MAEL: variants seen among roughly 807,000 people sequenced by gnomAD.
MAEL encodes the protein protein maelstrom homolog.
MAEL carries 46 observed loss-of-function variants against 62.0 expected under a neutral mutation model. The observed-to-expected ratio is 0.74, with a 90% CI of 0.59 to 0.95. MAEL has a LOEUF of 0.95. MAEL is among the 40% of genes least tolerant of loss of function. The pLI, the probability that MAEL is intolerant of heterozygous loss-of-function variation, is 0.00. For missense variants in MAEL, 497 were observed against 526.8 expected (o/e 0.94, Z 0.55); for synonymous variants, 172 against 175.5 (o/e 0.98, Z 0.16).
chr1:166,983,306 A>G (rs1663814476), intron 1 of MAEL, among the ~76,000 whole-genome samples: 3 of 152,064 alleles, frequency 2.0e-5, no homozygotes, highest in Non-Finnish European at 4.4e-5. Context: ...CTTCTCAGTC[A>G]TCTTTACTGG....
In MAEL at chr1:167,010,704, T is replaced by C. The variant is rs185900397; in HGVS notation, c.845+5307T>C. On this transcript the variant is annotated intron_variant, in intron 8 of 11. Coordinates refer to ENST00000367872, the MANE Select transcript of MAEL (RefSeq NM_032858.3). The stretch of plus-strand genomic sequence containing the variant: ...CTCAAGTGATCTTCCTGCCTCAGCC[T>C]TCCAAATTGCTGGGATTACAGGTGC... Among the ~76,000 whole-genome samples, 624 of 152,292 alleles carry C rather than the reference T, an allele frequency of 4.1e-3. 2 individuals are homozygous for C. Among genetic ancestry groups the C allele is most frequent in the Admixed American group, 8.0e-3 (122 of 15,298 alleles).
Position 166,989,733 on chromosome 1 carries a change from A to G in MAEL, c.133-4A>G, listed in dbSNP as rs1664078622. ...CTCTTCTTTGCTCCTTCAATCCCCA[A>G]AAGCTTCTGAGGGAGGAAGAAAAGG... On this transcript the variant is annotated splice_region_variant and splice_polypyrimidine_tract_variant and intron_variant, in intron 1 of 11. Transcript: ENST00000367872. 2 of 1,613,282 alleles carry G rather than the reference A, an allele frequency of 1.2e-6. No homozygotes were observed. The highest frequency in any genetic ancestry group is 1.7e-6 in the Non-Finnish European group (2 of 1,179,722).
At chr1:166,989,512 G>A in intron 1 of MAEL, 28 bp downstream of exon 1, 1 of 1,575,526 alleles carries the variant, frequency 6.3e-7, no homozygotes. Flanking sequence ...TGAGAGGGCT[G>A]GGCAGGGCAG....
chr1:166,980,309 A>G (rs1015904491), intron 1 of MAEL, among the ~76,000 whole-genome samples: 6 of 152,128 alleles, frequency 3.9e-5, no homozygotes, highest in Non-Finnish European at 8.8e-5. Flanking sequence ...TACAAGTTTG[A>G]GCCACTGTGC....
In MAEL at chr1:166,991,370, C is replaced by T. The variant is rs369610943; in HGVS notation, c.226-8C>T. The stretch of plus-strand genomic sequence containing the variant: ...GTTTATGTGGCCAATCATTCTCTTC[C>T]TCTTTAGAAACCTGTTTTCACACCA... On this transcript the variant is annotated splice_region_variant and splice_polypyrimidine_tract_variant and intron_variant, in intron 2 of 11. Transcript: ENST00000367872. 243 of 1,589,594 alleles carry T rather than the reference C, an allele frequency of 1.5e-4. No individual in the cohort carries two copies. The highest frequency in any genetic ancestry group is 1.9e-4 in the Non-Finnish European group (223 of 1,158,132).
intron 1 of MAEL, among the ~76,000 whole-genome samples, chr1:166,975,942 A>G (rs1415476742): frequency 6.6e-6 from 1 of 152,038 alleles, no homozygotes; most frequent in African/African-American, 2.4e-5. Flanking sequence ...GTAACTTCTT[A>G]CAGGACTTAA....
intron 5 of MAEL, among the ~76,000 whole-genome samples, chr1:167,000,906 C>T (rs944766749): frequency 6.6e-6 from 1 of 152,216 alleles, no homozygotes; most frequent in Admixed American, 6.5e-5. Context: ...TACTGGATAT[C>T]TACCCAGAGG....
intron 8 of MAEL, among the ~76,000 whole-genome samples, chr1:167,015,291 G>T (rs1665342411): frequency 6.6e-6 from 1 of 151,996 alleles, no homozygotes; most frequent in South Asian, 2.1e-4. Context: ...TTACAGTTTT[G>T]TGAACTACCA....
chr1:166,997,925 C>T (rs989225221), intron 5 of MAEL, among the ~76,000 whole-genome samples: 1 of 152,130 alleles, frequency 6.6e-6, no homozygotes, highest in Non-Finnish European at 1.5e-5. Flanking sequence ...TGTGGATAAT[C>T]ATTTATCACA....
At position 166,983,358 on chromosome 1, in the gene MAEL, C is replaced by T. The variant is rs181782054; in HGVS notation, c.-120-6043C>T. Among the ~76,000 whole-genome samples the T allele has an allele frequency of 2.9e-4, 44 of 152,286 alleles. No homozygotes were observed. In the East Asian group the frequency reaches 7.3e-3, roughly 25 times the overall value. On this transcript the variant is annotated intron_variant, in intron 1 of 12. Coordinates refer to the MAEL transcript ENST00000622874. ...TTCTAAACGCTAGTGTTCCTCAGGA[C>T]TCCATCCTGGATCCTTTTTTTCTCT...
chr1:167,016,786 G>A (rs963456549), intron 9 of MAEL, among the ~76,000 whole-genome samples: 1 of 152,098 alleles, frequency 6.6e-6, no homozygotes, highest in African/African-American at 2.4e-5. Flanking sequence ...ATACACAATA[G>A]AGTACTATTC....
intron 10 of MAEL, among the ~76,000 whole-genome samples, chr1:167,018,966 T>C (rs1172751209): frequency 6.6e-6 from 1 of 152,120 alleles, no homozygotes. Context: ...ACTTCATAGA[T>C]GTGTACACCA....
chr1:167,010,046 A>G (rs893035325), intron 8 of MAEL, among the ~76,000 whole-genome samples: 5 of 152,102 alleles, frequency 3.3e-5, no homozygotes, highest in African/African-American at 9.7e-5. Context: ...TGTAATCCCT[A>G]TGACCCCCAT....
chr1:166,993,012 A>G (rs1452256237), intron 4 of MAEL, among the ~76,000 whole-genome samples, 171 bp downstream of exon 4: 1 of 152,166 alleles, frequency 6.6e-6, no homozygotes, highest in African/African-American at 2.4e-5. Context: ...AGGTGTTGAC[A>G]AAGGGTTTTT....
intron 5 of MAEL, among the ~76,000 whole-genome samples, chr1:167,001,549 C>A (rs115405188): frequency 1.6e-3 from 239 of 152,296 alleles, no homozygotes; most frequent in African/African-American, 5.3e-3. Flanking sequence ...AATGCTACTG[C>A]ACACTTAATA....
chr1:166,978,061 G>A lies in MAEL; in HGVS notation c.-121+2395G>A, dbSNP rs59923304. On this transcript the variant is annotated intron_variant, in intron 1 of 12. Transcript: ENST00000622874. ...CCTGGATGTGTATATGAAGTGGAACGTGAATGCCCACAGAAATGAACTCAT... is the reference window on the plus strand; with the variant it reads ...CCTGGATGTGTATATGAAGTGGAACATGAATGCCCACAGAAATGAACTCAT... 1.1e-3 allele frequency among the ~76,000 whole-genome samples: 174 copies of A among 152,334 alleles called. 1 individual carries two copies. In the East Asian group the frequency reaches 0.03, roughly 26 times the overall value.
chr1:167,017,162 A>G (rs1311471504), intron 9 of MAEL, among the ~76,000 whole-genome samples: 1 of 152,214 alleles, frequency 6.6e-6, no homozygotes, highest in Non-Finnish European at 1.5e-5. Flanking sequence ...AATACAAAGG[A>G]TGAATACTTG....
chr1:166,983,574 C>T (rs1401525569), intron 1 of MAEL, among the ~76,000 whole-genome samples: 1 of 152,148 alleles, frequency 6.6e-6, no homozygotes, highest in East Asian at 1.9e-4. Context: ...ACTCTTGATC[C>T]ACCCCCTCCA....
intron 5 of MAEL, among the ~76,000 whole-genome samples, chr1:167,003,885 T>C (rs989336705): frequency 2.0e-5 from 3 of 152,244 alleles, no homozygotes; most frequent in Admixed American, 1.3e-4. Flanking sequence ...GCCTGGTTAC[T>C]GAACAAACCT....
Sources: gnomAD v4.1 joint callset for allele counts (sites outside exome capture counted in the v4.1 genomes callset) on GRCh38, gnomAD v4.1.1 for gene constraint, MANE v1.5 for transcripts, NCBI Gene and HGNC (gene_info 2026-07-23, HGNC 2026-07-21) for gene names.